PDZRN3: variants seen among roughly 807,000 people sequenced by gnomAD.
PDZRN3 encodes E3 ubiquitin-protein ligase PDZRN3.
PDZRN3 carries 38 observed loss-of-function variants against 85.7 expected under a neutral mutation model. That is an observed-to-expected ratio of 0.44 (90% CI 0.34 to 0.58). PDZRN3 has a LOEUF of 0.58. PDZRN3 is among the 20% of genes least tolerant of loss of function. The pLI, the probability that PDZRN3 is intolerant of heterozygous loss-of-function variation, is 0.01. For synonymous variants in PDZRN3, 759 were observed against 638.0 expected, an observed-to-expected ratio of 1.19 and a Z score of -2.86; for missense variants, 1,629 against 1,506.4, an observed-to-expected ratio of 1.08 and a Z score of -1.35.
At chr3:73,504,853 TATTA>T (rs1174685457) in intron 3 of PDZRN3, among the ~76,000 whole-genome samples, 1 of 152,232 alleles carries the variant, frequency 6.6e-6, no homozygotes, top group Non-Finnish European at 1.5e-5. Flanking sequence ...TTTTTCATTA[TATTA>T]ATTAACAACA....
chr3:73,450,775 G>C (rs1264474337), intron 3 of PDZRN3, among the ~76,000 whole-genome samples: 2 of 152,184 alleles, frequency 1.3e-5, no homozygotes, highest in African/African-American at 4.8e-5. Flanking sequence ...ACCTGCCTTT[G>C]AAAGATCAGA....
At chr3:73,482,946 A>G (rs1248355668) in intron 3 of PDZRN3, among the ~76,000 whole-genome samples, 2 of 152,190 alleles carry the variant, frequency 1.3e-5, no homozygotes, top group Non-Finnish European at 2.9e-5. Context: ...CTTGGACACC[A>G]AGGGGCTTAG....
At chr3:73,518,906 A>G (rs1193098543) in intron 3 of PDZRN3, among the ~76,000 whole-genome samples, 1 of 152,204 alleles carries the variant, frequency 6.6e-6, no homozygotes, top group East Asian at 1.9e-4. Flanking sequence ...TTGTGGGAGC[A>G]CAAATATCCA....
At chr3:73,431,079 G>A (rs17011123) in intron 3 of PDZRN3, among the ~76,000 whole-genome samples, 16,177 of 152,076 alleles carry the variant, frequency 0.11, 1,191 homozygotes, top group African/African-American at 0.21. Context: ...CTGACCTTAC[G>A]ACCCCAGGTA....
intron 3 of PDZRN3, among the ~76,000 whole-genome samples, chr3:73,502,143 A>G (rs1465496215): frequency 6.6e-6 from 1 of 152,052 alleles, no homozygotes; most frequent in African/African-American, 2.4e-5. Flanking sequence ...AAGCAAAGAG[A>G]AACAACAGTG....
chr3:73,621,806 A>C (rs1409658242), intron 1 of PDZRN3: 1 of 152,192 alleles, frequency 6.6e-6, no homozygotes, highest in East Asian at 1.9e-4. Flanking sequence ...GTTCAAAATC[A>C]ACATCTTGTC....
chr3:73,575,945 A>C (rs1400259826), intron 3 of PDZRN3, among the ~76,000 whole-genome samples: 1 of 152,212 alleles, frequency 6.6e-6, no homozygotes, highest in Non-Finnish European at 1.5e-5. Flanking sequence ...AGTTCAGGAG[A>C]AATATCATAG....
At chr3:73,431,157 A>G (rs1207682844) in intron 3 of PDZRN3, among the ~76,000 whole-genome samples, 1 of 152,196 alleles carries the variant, frequency 6.6e-6, no homozygotes, top group Non-Finnish European at 1.5e-5. Flanking sequence ...CTTTTAATGC[A>G]TGGCCCCAAT....
At chr3:73,609,974 A>T (rs535595610) in intron 1 of PDZRN3, among the ~76,000 whole-genome samples, 14 of 152,342 alleles carry the variant, frequency 9.2e-5, no homozygotes, top group Non-Finnish European at 1.3e-4. Flanking sequence ...AGCTAAAAAA[A>T]TATTACGAAA....
intron 3 of PDZRN3, among the ~76,000 whole-genome samples, chr3:73,521,552 G>A (rs1228312202): frequency 2.0e-5 from 3 of 152,060 alleles, no homozygotes; most frequent in African/African-American, 4.8e-5. Flanking sequence ...ATACTGAGGG[G>A]GATTGAGATG....
At chr3:73,414,234 G>C (rs765869533) in intron 3 of PDZRN3, among the ~76,000 whole-genome samples, 1 of 152,162 alleles carries the variant, frequency 6.6e-6, no homozygotes, top group Non-Finnish European at 1.5e-5. Context: ...TGGACTTAAT[G>C]TCCTATACTT....
chr3:73,414,549 T>C (rs1456684338), intron 3 of PDZRN3, among the ~76,000 whole-genome samples: 2 of 152,220 alleles, frequency 1.3e-5, no homozygotes, highest in Non-Finnish European at 2.9e-5. Flanking sequence ...TTACAGACCA[T>C]GTGGAAAAAC....
intron 3 of PDZRN3, among the ~76,000 whole-genome samples, chr3:73,531,739 C>T (rs550264021): frequency 4.6e-5 from 7 of 152,328 alleles, no homozygotes; most frequent in African/African-American, 1.7e-4. Flanking sequence ...AGAAAATACA[C>T]ACATTTGCTC....
chr3:73,400,334 C>G lies in PDZRN3; in HGVS notation c.1254+588G>C, dbSNP rs372871311. On this transcript the variant is annotated intron_variant, in intron 5 of 9. Transcript: ENST00000263666. The stretch of plus-strand genomic sequence containing the variant: ...AACTCTGTTGGCAACCTGGTGTCCT[C>G]TAAATATTTTAAACCTTAACAGAGA... 5.9e-5 allele frequency among the ~76,000 whole-genome samples: 9 copies of G among 152,296 alleles called. No homozygotes were observed. The South Asian group carries it at 8.3e-4, about 14-fold the overall frequency.
At chr3:73,545,502 G>A (rs1221517977) in intron 3 of PDZRN3, among the ~76,000 whole-genome samples, 1 of 152,214 alleles carries the variant, frequency 6.6e-6, no homozygotes, top group East Asian at 1.9e-4. Context: ...ATGTCTGAGT[G>A]CCTGGGACAT....
At chr3:73,433,321 C>T (rs1702468869) in intron 3 of PDZRN3, among the ~76,000 whole-genome samples, 1 of 152,196 alleles carries the variant, frequency 6.6e-6, no homozygotes, top group South Asian at 2.1e-4. Context: ...GGTGCATGAC[C>T]ACTCTTTGAC....
Position 73,408,216 on chromosome 3 carries a change from GTGGGCTT to G in PDZRN3, c.919-3828_919-3822del, listed in dbSNP as rs1427661795. On this transcript the variant is annotated intron_variant, in intron 3 of 9. Coordinates refer to ENST00000263666, the MANE Select transcript of PDZRN3 (RefSeq NM_015009.3). ...TGAAGCCAGCGTTGGAATCCTGGCT[GTGGGCTT>G]TGGGCAATTTAACTGTTCTCAGTTC... The G allele has an allele frequency of 7.1e-6, 5 of 703,086 alleles. No homozygotes were observed. The East Asian group carries it at 1.3e-4, about 19-fold the overall frequency. The allele number at this position is 703,086 out of a possible 1,614,324, so 43.6% of individuals were successfully genotyped here.
intron 3 of PDZRN3, among the ~76,000 whole-genome samples, chr3:73,569,894 A>G (rs187452707): frequency 1.3e-5 from 2 of 152,198 alleles, no homozygotes; most frequent in African/African-American, 4.8e-5. Context: ...TGGAAATGAC[A>G]GTCCTGCTTG....
intron 3 of PDZRN3, among the ~76,000 whole-genome samples, chr3:73,432,596 G>A (rs990097773): frequency 3.6e-4 from 55 of 152,172 alleles, no homozygotes; most frequent in Middle Eastern, 6.8e-3. Context: ...ACCTTTTGCC[G>A]CGTCTCCCTG....
Sources: allele counts gnomAD v4.1 joint callset (sites outside exome capture counted in the v4.1 genomes callset), GRCh38; gene constraint gnomAD v4.1.1; transcripts MANE v1.5; gene names NCBI Gene and HGNC (gene_info 2026-07-23, HGNC 2026-07-21).